The following GABBR2 variants were observed in gnomAD, a reference collection of about 807,000 sequenced individuals.
GABBR2 encodes G-protein coupled receptor 51.
Under a neutral mutation model 105.6 loss-of-function variants are expected in GABBR2, and 23 were observed. The observed-to-expected ratio is 0.22, with a 90% CI of 0.16 to 0.31. The LOEUF (loss-of-function observed/expected upper bound fraction) is 0.31, where lower values mean the gene tolerates loss of function less well. Among genes scored for constraint, GABBR2 ranks in the 10% least tolerant of loss-of-function variants. The probability of loss-of-function intolerance (pLI) is 1.00; values close to 1 mark genes in which losing one functional copy is unlikely to be tolerated. For synonymous variants in GABBR2, 478 were observed against 499.7 expected (o/e 0.96, Z 0.58); for missense variants, 734 against 1,245.5 (o/e 0.59, Z 6.18).
intron 4 of GABBR2, chr9:98,495,875 T>C (rs987824313): frequency 6.5e-6 from 1 of 154,136 alleles, no homozygotes; most frequent in Non-Finnish European, 1.4e-5. Flanking sequence ...GCCGATGATG[T>C]CTATGAGCCC....
At chr9:98,683,577 TG>T (rs1830577735) in intron 1 of GABBR2, among the ~76,000 whole-genome samples, 1 of 152,178 alleles carries the variant, frequency 6.6e-6, no homozygotes. Context: ...GCATCCCCTC[TG>T]GCCCAGCCAA....
At chr9:98,658,663 T>C (rs1030053717) in intron 1 of GABBR2, among the ~76,000 whole-genome samples, 2 of 152,028 alleles carry the variant, frequency 1.3e-5, no homozygotes, top group East Asian at 1.9e-4. Flanking sequence ...CCTTCAGGAG[T>C]AGGCTTCCTC....
At chr9:98,343,477 A>T (rs1482918566) in intron 13 of GABBR2, among the ~76,000 whole-genome samples, 1 of 152,246 alleles carries the variant, frequency 6.6e-6, no homozygotes, top group East Asian at 1.9e-4. Flanking sequence ...GCTTGGGAAA[A>T]AATGAACAAC....
chr9:98,708,648 C>A lies in GABBR2; in HGVS notation c.90G>T (p.Pro30=), dbSNP rs1039627589. Residue 30 remains proline (P), a synonymous_variant, in exon 1 of 19, where the codon CCG becomes CCT. Transcript: ENST00000259455. The part of the protein sequence containing the change: ...PARLLLLLLL[P]LLLPLAPGAW... ...CCCCGGGCGCCAGAGGCAGCAGCAG[C>A]GGCAGCAGCAGTAGCAGTAGCAGGC... 10 of 1,240,198 alleles carry A rather than the reference C, an allele frequency of 8.1e-6. No homozygotes were observed. In the African/African-American group the frequency reaches 1.4e-4, roughly 18 times the overall value. 76.8% of individuals were successfully genotyped at this position (1,240,198 alleles called of 1,614,324 possible). A position where few individuals can be genotyped will look rare whatever the true frequency, so the allele number is the denominator to read the frequency against.
intron 1 of GABBR2, among the ~76,000 whole-genome samples, chr9:98,665,851 C>T (rs753647855): frequency 1.3e-5 from 2 of 152,184 alleles, no homozygotes; most frequent in Non-Finnish European, 2.9e-5. Flanking sequence ...ATGCGACCAG[C>T]CACTTGGAGA....
chr9:98,691,582 A>T (rs1262969703), intron 1 of GABBR2, among the ~76,000 whole-genome samples: 2 of 152,196 alleles, frequency 1.3e-5, no homozygotes, highest in Non-Finnish European at 2.9e-5. Context: ...GCACTGATTG[A>T]TTAAGAAATG....
intron 8 of GABBR2, among the ~76,000 whole-genome samples, chr9:98,405,114 T>C (rs957980073): frequency 3.9e-5 from 6 of 151,966 alleles, no homozygotes; most frequent in Non-Finnish European, 7.4e-5. Context: ...TTTAAAACAC[T>C]ACAGCAAAAA....
intron 13 of GABBR2, among the ~76,000 whole-genome samples, chr9:98,358,801 G>A (rs939743542): frequency 1.3e-5 from 2 of 152,118 alleles, no homozygotes; most frequent in Non-Finnish European, 2.9e-5. Context: ...GAGGGACTGT[G>A]TGTAGCCCCT....
At chr9:98,320,529 G>A (rs928191511) in intron 13 of GABBR2, among the ~76,000 whole-genome samples, 11 of 152,076 alleles carry the variant, frequency 7.2e-5, no homozygotes, top group African/African-American at 1.9e-4. Flanking sequence ...ACATGCACAC[G>A]TATGTTTATT....
At chr9:98,629,543 A>T (rs988386116) in intron 1 of GABBR2, among the ~76,000 whole-genome samples, 2 of 152,254 alleles carry the variant, frequency 1.3e-5, no homozygotes, top group Non-Finnish European at 2.9e-5. Context: ...AACTGGATAT[A>T]GTAGACATTG....
At chr9:98,457,977 CT>C (rs1467712331) in intron 6 of GABBR2, among the ~76,000 whole-genome samples, 10 of 152,318 alleles carry the variant, frequency 6.6e-5, no homozygotes, top group South Asian at 6.2e-4. Context: ...GAGAAAATAA[CT>C]TATGCAGATA....
intron 1 of GABBR2, among the ~76,000 whole-genome samples, chr9:98,642,009 C>T (rs532912967): frequency 6.6e-6 from 1 of 152,306 alleles, no homozygotes; most frequent in Non-Finnish European, 1.5e-5. Flanking sequence ...AAAAGCAAGG[C>T]TCCTCCAGCA....
intron 14 of GABBR2, among the ~76,000 whole-genome samples, chr9:98,308,915 G>A (rs976689806): frequency 1.3e-5 from 2 of 152,314 alleles, no homozygotes; most frequent in Non-Finnish European, 1.5e-5. Flanking sequence ...GAGGGCGAGC[G>A]CCCCATCACT....
At chr9:98,418,004 G>A (rs1832718083) in intron 7 of GABBR2, among the ~76,000 whole-genome samples, 1 of 152,144 alleles carries the variant, frequency 6.6e-6, no homozygotes, top group African/African-American at 2.4e-5. Context: ...GCATGGGGTG[G>A]AGGGCTGGTG....
intron 3 of GABBR2, among the ~76,000 whole-genome samples, chr9:98,520,300 T>C (rs1827841890): frequency 6.6e-6 from 1 of 152,176 alleles, no homozygotes. Flanking sequence ...GAAAGGTATA[T>C]CTTCTCATGA....
intron 12 of GABBR2, among the ~76,000 whole-genome samples, chr9:98,368,415 T>A (rs576076243): frequency 4.7e-4 from 72 of 152,184 alleles, no homozygotes; most frequent in Middle Eastern, 3.4e-3. Flanking sequence ...CTGGACCCAC[T>A]GCAAGCCTGA....
At chr9:98,518,017 G>T (rs762823725) in intron 3 of GABBR2, among the ~76,000 whole-genome samples, 1 of 152,214 alleles carries the variant, frequency 6.6e-6, no homozygotes, top group Non-Finnish European at 1.5e-5. Flanking sequence ...GTGAAAGAGA[G>T]CCAATGGGAG....
intron 1 of GABBR2, among the ~76,000 whole-genome samples, chr9:98,687,660 T>C (rs548410302): frequency 6.6e-6 from 1 of 152,244 alleles, no homozygotes; most frequent in African/African-American, 2.4e-5. Context: ...AGCTCCTGAC[T>C]CTGAGGCTGC....
chr9:98,647,478 C>A (rs1243343338), intron 1 of GABBR2, among the ~76,000 whole-genome samples: 1 of 152,230 alleles, frequency 6.6e-6, no homozygotes, highest in Non-Finnish European at 1.5e-5. Context: ...CTCTACCTCA[C>A]ACTAGCTCTG....
Sources: gnomAD v4.1 joint callset for allele counts (sites outside exome capture counted in the v4.1 genomes callset) on GRCh38, gnomAD v4.1.1 for gene constraint, MANE v1.5 for transcripts, NCBI Gene and HGNC (gene_info 2026-07-23, HGNC 2026-07-21) for gene names.